Variants in GRIA1 observed in about 807,000 individuals in gnomAD.
GRIA1 encodes the protein glutamate ionotropic receptor AMPA type subunit 1.
GRIA1 carries 31 observed loss-of-function variants against 99.2 expected under a neutral mutation model. That is an observed-to-expected ratio of 0.31 (90% CI 0.23 to 0.42). The LOEUF is 0.42. Ranked by LOEUF, GRIA1 falls within the 10% of genes least tolerant of loss-of-function variation. The pLI, the probability that GRIA1 is intolerant of heterozygous loss-of-function variation, is 1.00. For synonymous variants in GRIA1, 438 were observed against 432.4 expected (o/e 1.01, Z -0.16); for missense variants, 782 against 1,157.5 (o/e 0.68, Z 4.71).
intron 2 of GRIA1, among the ~76,000 whole-genome samples, chr5:153,610,151 G>A (rs561839921): frequency 6.6e-6 from 1 of 152,282 alleles, no homozygotes; most frequent in Admixed American, 6.5e-5. Flanking sequence ...GTTGTGATGT[G>A]AGACCAGGAC....
chr5:153,616,030 C>T (rs1025410320), intron 2 of GRIA1, among the ~76,000 whole-genome samples: 1 of 152,144 alleles, frequency 6.6e-6, no homozygotes, highest in South Asian at 2.1e-4. Flanking sequence ...TCAATGAAAG[C>T]AACATTACCC....
intron 2 of GRIA1, among the ~76,000 whole-genome samples, chr5:153,518,690 T>C (rs1013231808): frequency 6.6e-6 from 1 of 152,242 alleles, no homozygotes; most frequent in African/African-American, 2.4e-5. Context: ...ACTGTACAAA[T>C]ATTATGCAAG....
intron 2 of GRIA1, among the ~76,000 whole-genome samples, chr5:153,639,303 A>G (rs1265931274): frequency 2.0e-5 from 3 of 152,200 alleles, no homozygotes; most frequent in Non-Finnish European, 4.4e-5. Flanking sequence ...ATACCTTAGA[A>G]GAGCTCAGTT....
chr5:153,609,908 A>T (rs1056931805), intron 2 of GRIA1, among the ~76,000 whole-genome samples: 1 of 152,012 alleles, frequency 6.6e-6, no homozygotes, highest in African/African-American at 2.4e-5. Context: ...TGATCATCCT[A>T]GGTTTCTTTC....
chr5:153,726,727 T>C (rs1348133215), intron 11 of GRIA1, among the ~76,000 whole-genome samples: 1 of 152,170 alleles, frequency 6.6e-6, no homozygotes, highest in African/African-American at 2.4e-5. Context: ...TAACAGGCTC[T>C]GAAATTGTGG....
intron 2 of GRIA1, among the ~76,000 whole-genome samples, chr5:153,623,310 CA>C (rs1561700562): frequency 6.6e-6 from 1 of 152,160 alleles, no homozygotes; most frequent in Non-Finnish European, 1.5e-5. Context: ...CCCTGCAGTA[CA>C]GAGTACTGCC....
chr5:153,758,068 T>C (rs939911723), intron 11 of GRIA1, among the ~76,000 whole-genome samples: 3 of 152,078 alleles, frequency 2.0e-5, no homozygotes, highest in African/African-American at 7.2e-5. Context: ...GGATTTCTAA[T>C]AGTTAAACAG....
intron 14 of GRIA1, among the ~76,000 whole-genome samples, chr5:153,798,507 G>C (rs1454125027): frequency 1.3e-5 from 2 of 152,186 alleles, no homozygotes; most frequent in South Asian, 2.1e-4. Flanking sequence ...AGGATATAGA[G>C]AGAAGCAAAA....
chr5:153,594,728 C>T (rs1764281043), intron 2 of GRIA1, among the ~76,000 whole-genome samples: 1 of 151,948 alleles, frequency 6.6e-6, no homozygotes, highest in South Asian at 2.1e-4. Flanking sequence ...AGTAAGTGTC[C>T]TCTCCCTTAT....
intron 10 of GRIA1, among the ~76,000 whole-genome samples, chr5:153,704,775 G>A (rs987451959): frequency 1.3e-5 from 2 of 152,024 alleles, no homozygotes; most frequent in Non-Finnish European, 2.9e-5. Context: ...CCCTATCTCC[G>A]CAGCCAGAAT....
chr5:153,658,997 C>CCA (rs1755161152), intron 5 of GRIA1, among the ~76,000 whole-genome samples: 1 of 141,432 alleles, frequency 7.1e-6, no homozygotes. Flanking sequence ...AACAAACAAA[C>CCA]AAAAAAAAAA....
chr5:153,743,864 T>C (rs1309216008), intron 11 of GRIA1, among the ~76,000 whole-genome samples: 1 of 152,186 alleles, frequency 6.6e-6, no homozygotes, highest in African/African-American at 2.4e-5. Context: ...CTGCACATCC[T>C]ATGCATAACG....
intron 2 of GRIA1, among the ~76,000 whole-genome samples, chr5:153,564,653 CTGGGTCTTAAGGAT>C (rs1761460979): frequency 6.6e-6 from 1 of 152,158 alleles, no homozygotes; most frequent in African/African-American, 2.4e-5. Flanking sequence ...AACATGGTGA[CTGGGTCTTAAGGAT>C]TGGCCTAGAT....
chr5:153,534,236 A>G (rs577872714), intron 2 of GRIA1, among the ~76,000 whole-genome samples: 1 of 152,300 alleles, frequency 6.6e-6, no homozygotes, highest in South Asian at 2.1e-4. Flanking sequence ...CAAGGAGTGC[A>G]ATTAGCAGGT....
intron 2 of GRIA1, among the ~76,000 whole-genome samples, chr5:153,557,089 T>C (rs1168734494): frequency 6.6e-6 from 1 of 152,170 alleles, no homozygotes; most frequent in Admixed American, 6.6e-5. Flanking sequence ...TGAAAACTAG[T>C]ACACCTGTAT....
chr5:153,694,926 A>G (rs1236612674), intron 8 of GRIA1, among the ~76,000 whole-genome samples: 1 of 152,084 alleles, frequency 6.6e-6, no homozygotes, highest in African/African-American at 2.4e-5. Context: ...GAATAGGAGG[A>G]AGGAAGGGAG....
At chr5:153,572,604 C>T (rs1762209683) in intron 2 of GRIA1, among the ~76,000 whole-genome samples, 1 of 152,192 alleles carries the variant, frequency 6.6e-6, no homozygotes, top group African/African-American at 2.4e-5. Context: ...AGGGTGTTGA[C>T]AGGCATAGTC....
chr5:153,492,350 C>G (rs1220278827), intron 1 of GRIA1: 8 of 1,498,172 alleles, frequency 5.3e-6, no homozygotes, highest in African/African-American at 1.4e-5. Context: ...GCAAAACTTC[C>G]TGCCTTCAGG....
At chr5:153,597,289 A>G (rs1362954271) in intron 2 of GRIA1, among the ~76,000 whole-genome samples, 1 of 152,140 alleles carries the variant, frequency 6.6e-6, no homozygotes, top group Non-Finnish European at 1.5e-5. Flanking sequence ...GGTTATTGAG[A>G]CTTTCAGAGG....
Sources: allele counts gnomAD v4.1 joint callset (sites outside exome capture counted in the v4.1 genomes callset), GRCh38; gene constraint gnomAD v4.1.1; transcripts MANE v1.5; gene names NCBI Gene and HGNC (gene_info 2026-07-23, HGNC 2026-07-21).